RNF145: variants seen among roughly 807,000 people sequenced by gnomAD.
RNF145 encodes ring finger protein 145.
In RNF145, 12 loss-of-function variants were observed where a neutral mutation model predicts 57.3. The ratio of observed to expected loss-of-function variants is 0.21; its 90% CI spans 0.13 to 0.34. RNF145 has a LOEUF of 0.34. RNF145 is among the 10% of genes least tolerant of loss of function. The pLI is 1.00. For missense variants in RNF145, 429 were observed against 799.0 expected (o/e 0.54, Z 5.58); for synonymous variants, 262 against 288.3 (o/e 0.91, Z 0.92).
chr5:159,197,039 A>T (rs1562073015), intron 2 of RNF145, among the ~76,000 whole-genome samples: 1 of 152,242 alleles, frequency 6.6e-6, no homozygotes. Flanking sequence ...TAGACATGGA[A>T]GATCCAAAAT....
At chr5:159,199,021 G>A (rs1302009626) in intron 2 of RNF145, among the ~76,000 whole-genome samples, 1 of 152,166 alleles carries the variant, frequency 6.6e-6, no homozygotes, top group African/African-American at 2.4e-5. Flanking sequence ...TTGGGCACCA[G>A]CTAGGTGCTG....
chr5:159,183,364 C>T (rs773150208), intron 3 of RNF145, among the ~76,000 whole-genome samples: 78 of 152,124 alleles, frequency 5.1e-4, no homozygotes, highest in Non-Finnish European at 8.7e-4. Flanking sequence ...ATTACTAGCA[C>T]CTAGTGTGTA....
chr5:159,182,472 G>A (rs575940842), intron 3 of RNF145, among the ~76,000 whole-genome samples: 157 of 151,694 alleles, frequency 1.0e-3, no homozygotes, highest in African/African-American at 3.5e-3. Flanking sequence ...TCAAAGTTTT[G>A]GCCCCGATTA....
At chr5:159,187,680 G>A (rs1785126512) in intron 3 of RNF145, among the ~76,000 whole-genome samples, 1 of 152,156 alleles carries the variant, frequency 6.6e-6, no homozygotes, top group South Asian at 2.1e-4. Context: ...GACAGCATGT[G>A]ACAATGTCTA....
intron 2 of RNF145, among the ~76,000 whole-genome samples, chr5:159,198,658 C>T (rs1450631847): frequency 6.6e-6 from 1 of 152,106 alleles, no homozygotes; most frequent in East Asian, 1.9e-4. Flanking sequence ...GTGATGAGTT[C>T]AGTGATTGAC....
intron 8 of RNF145, among the ~76,000 whole-genome samples, chr5:159,165,917 G>A (rs1784380382): frequency 6.6e-6 from 1 of 152,124 alleles, no homozygotes; most frequent in South Asian, 2.1e-4. Flanking sequence ...GAGGTGAACT[G>A]TTCTACGAAC....
In RNF145 at chr5:159,161,497, C is replaced by A. The variant is rs757032286; in HGVS notation, c.1395G>T (p.Val465=). ...NGTYRLLEFL[V]ALCVVAYGVS... is the part of the protein sequence containing the mutation. ...CGCCATAGGCCACCACACAGAGGGC[C>A]ACAAGAAACTCCAGCAGGCGGTAAG... Residue 465 remains valine (V), a synonymous_variant, in exon 10 of 11, where the codon GTG becomes GTT. Transcript: ENST00000424310. The A allele has an allele frequency of 2.0e-5, 32 of 1,613,954 alleles. No individual in the cohort carries two copies. Among genetic ancestry groups the A allele is most frequent in the Non-Finnish European group, 2.5e-5 (29 of 1,180,010 alleles).
intron 4 of RNF145, among the ~76,000 whole-genome samples, chr5:159,178,856 T>C (rs1297564433): frequency 6.6e-6 from 1 of 152,042 alleles, no homozygotes; most frequent in Admixed American, 6.6e-5. Flanking sequence ...GTCAACCATT[T>C]TTACATAAGA....
chr5:159,161,160 A>G, intron 10 of RNF145, 106 bp downstream of exon 10: 1 of 658,620 alleles, frequency 1.5e-6, no homozygotes, highest in Middle Eastern at 4.4e-4. Flanking sequence ...TTTAATCCAG[A>G]AGATAATTTT....
rs924207575 is a variant in RNF145 at position 159,161,107 on chromosome 5, A to G, written c.1626+159T>C. The G allele has an allele frequency of 1.5e-5, 8 of 537,114 alleles. No individual in the cohort carries two copies. The Admixed American group carries it at 2.5e-4, about 16-fold the overall frequency. 33.3% of individuals were successfully genotyped at this position (537,114 alleles called of 1,614,324 possible). A position where few individuals can be genotyped will look rare whatever the true frequency, so the allele number is the denominator to read the frequency against. On this transcript the variant is annotated intron_variant, in intron 10 of 10. Transcript: ENST00000424310. ...AACTTAATTTAGAAATAAAATGGAA[A>G]TATTTTATCAGGTCTTTAATATAAT...
intron 8 of RNF145, among the ~76,000 whole-genome samples, chr5:159,166,355 A>G (rs376256673): frequency 1.3e-5 from 2 of 152,196 alleles, no homozygotes; most frequent in African/African-American, 2.4e-5. Context: ...ACTGCCATTA[A>G]TTCTAATATT....
intron 4 of RNF145, 75 bp downstream of exon 4, chr5:159,181,885 G>T (rs1784906976): frequency 3.8e-6 from 3 of 797,228 alleles, no homozygotes; most frequent in Non-Finnish European, 6.3e-6. Context: ...AAAAAAAAAT[G>T]AGTATGCATG....
chr5:159,201,382 T>C (rs1192261260), intron 2 of RNF145, among the ~76,000 whole-genome samples: 1 of 152,216 alleles, frequency 6.6e-6, no homozygotes, highest in Non-Finnish European at 1.5e-5. Context: ...ATTATAGCTA[T>C]ACAAAGTTAT....
intron 3 of RNF145, among the ~76,000 whole-genome samples, chr5:159,183,417 G>A (rs1054233020): frequency 2.6e-5 from 4 of 152,126 alleles, no homozygotes; most frequent in African/African-American, 9.7e-5. Context: ...GCAAAGGCTA[G>A]CCCCTAGAAC....
At position 159,162,927 on chromosome 5, in the gene RNF145, C is replaced by T; in HGVS notation, c.1269+5G>A. The T allele has an allele frequency of 6.3e-7, 1 of 1,592,704 alleles. No homozygotes were observed. ...TTATATAGAGTTAATTAATCATAGG[C>T]TTACCTGAAGAGAGGTAAGAATGCT... On this transcript the variant is annotated splice_donor_5th_base_variant and intron_variant, in intron 9 of 10. Coordinates refer to ENST00000424310, the MANE Select transcript of RNF145 (RefSeq NM_001199383.2).
Position 159,158,765 on chromosome 5 carries a change from T to G in RNF145, c.1897A>C (p.Ile633Leu). The change falls in exon 11 of 11, where the codon ATT (isoleucine) becomes CTT (leucine). Residue 633 changes from isoleucine to leucine, a missense_variant. Transcript: ENST00000424310. ...QEGSRDNNEYIARRPDNQEGA... is the reference protein window; with the variant it reads ...QEGSRDNNEYLARRPDNQEGA... The stretch of plus-strand genomic sequence containing the variant: ...TCCTGGTTATCTGGTCGTCTGGCAA[T>G]GTACTCATTATTGTCCCTGGAACCT... The G allele has an allele frequency of 1.2e-6, 2 of 1,613,988 alleles. No individual in the cohort carries two copies. The highest frequency in any genetic ancestry group is 1.1e-5 in the South Asian group (1 of 91,078).
intron 2 of RNF145, among the ~76,000 whole-genome samples, chr5:159,199,773 C>T (rs1473119105): frequency 2.0e-5 from 3 of 152,174 alleles, no homozygotes; most frequent in African/African-American, 7.2e-5. Context: ...CAGGATTCTT[C>T]ACAAAAGCCC....
intron 5 of RNF145, 141 bp from the exon 6 acceptor site, chr5:159,174,299 G>T: frequency 1.6e-6 from 1 of 615,738 alleles, no homozygotes; most frequent in Non-Finnish European, 2.8e-6. Flanking sequence ...TTTAAAGTTA[G>T]CCTATATAGT....
At position 159,164,672 on chromosome 5, in the gene RNF145, C is replaced by T. The variant is rs577366205; in HGVS notation, c.1122-1593G>A. 1.2e-4 allele frequency among the ~76,000 whole-genome samples: 18 copies of T among 152,104 alleles called. No individual in the cohort carries two copies. The South Asian group carries it at 3.7e-3, about 32-fold the overall frequency. On this transcript the variant is annotated intron_variant, in intron 8 of 10. Transcript: ENST00000424310. ...AAATAAGGGAAAATTACATTGAAACCTCGTGCAATAGGTTAAGTACTATAA... is the reference window on the plus strand; with the variant it reads ...AAATAAGGGAAAATTACATTGAAACTTCGTGCAATAGGTTAAGTACTATAA...
Sources: gnomAD v4.1 joint callset for allele counts (sites outside exome capture counted in the v4.1 genomes callset) on GRCh38, gnomAD v4.1.1 for gene constraint, MANE v1.5 for transcripts, NCBI Gene and HGNC (gene_info 2026-07-23, HGNC 2026-07-21) for gene names.